Variants in OSBPL9 observed in about 807,000 individuals in gnomAD.
The protein encoded by OSBPL9 is oxysterol binding protein like 9, also known as oxysterol-binding protein-related protein 9.
A neutral mutation model predicts 106.6 loss-of-function variants in OSBPL9; 40 were observed. The ratio of observed to expected loss-of-function variants is 0.38; its 90% CI spans 0.29 to 0.49. The LOEUF (loss-of-function observed/expected upper bound fraction) is 0.49, where lower values mean the gene tolerates loss of function less well. Ranked by LOEUF, OSBPL9 falls within the 20% of genes least tolerant of loss-of-function variation. The probability of loss-of-function intolerance (pLI) is 0.97; values close to 1 mark genes in which losing one functional copy is unlikely to be tolerated. For missense variants in OSBPL9, 609 were observed against 887.2 expected, an observed-to-expected ratio of 0.69 and a Z score of 3.98; for synonymous variants, 269 against 295.4, an observed-to-expected ratio of 0.91 and a Z score of 0.92.
chr1:51,758,390 A>G (rs1052636784), intron 9 of OSBPL9, among the ~76,000 whole-genome samples: 3 of 151,676 alleles, frequency 2.0e-5, no homozygotes, highest in Non-Finnish European at 4.4e-5. Context: ...TCCGTATTAC[A>G]CTGATTCGGG....
chr1:51,694,136 G>A (rs1034744577), intron 3 of OSBPL9, among the ~76,000 whole-genome samples: 1 of 152,024 alleles, frequency 6.6e-6, no homozygotes, highest in Non-Finnish European at 1.5e-5. Context: ...TCTTTATGTG[G>A]GTTATATTTA....
chr1:51,696,674 T>G (rs925613073), intron 3 of OSBPL9, among the ~76,000 whole-genome samples: 1 of 152,224 alleles, frequency 6.6e-6, no homozygotes, highest in African/African-American at 2.4e-5. Context: ...CACCAATTTA[T>G]AAACTGTGTC....
chr1:51,685,571 AT>A (rs1169301708), intron 3 of OSBPL9, among the ~76,000 whole-genome samples: 1 of 151,908 alleles, frequency 6.6e-6, no homozygotes, highest in East Asian at 1.9e-4. Flanking sequence ...ACACCGTCTA[AT>A]TTTTTTGTAG....
chr1:51,569,558 G>A, the OSBPL9 span: 1 of 152,180 alleles, frequency 6.6e-6, no homozygotes, highest in Non-Finnish European at 1.5e-5. Context: ...CAAACATGAT[G>A]TGATACTTGG....
At chr1:51,714,150 T>G (rs1660616428) in intron 4 of OSBPL9, 71 bp downstream of exon 4, 2 of 1,218,676 alleles carry the variant, frequency 1.6e-6, no homozygotes, top group Non-Finnish European at 2.3e-6. Context: ...TTTTCTGTTT[T>G]TTTTTTTTAA....
At chr1:51,619,444 T>C (rs957200237) in intron 1 of OSBPL9, among the ~76,000 whole-genome samples, 3 of 152,180 alleles carry the variant, frequency 2.0e-5, no homozygotes, top group Non-Finnish European at 4.4e-5. Flanking sequence ...AAATATAGGG[T>C]TTAAAAAAAT....
chr1:51,635,871 A>G (rs1645400866), intron 1 of OSBPL9, among the ~76,000 whole-genome samples: 2 of 152,278 alleles, frequency 1.3e-5, no homozygotes, highest in African/African-American at 2.4e-5. Context: ...TGAATTAAAA[A>G]GATTTTTCCC....
chr1:51,554,097 A>G, the OSBPL9 span, among the ~76,000 whole-genome samples: 1 of 152,266 alleles, frequency 6.6e-6, no homozygotes, highest in Non-Finnish European at 1.5e-5. Context: ...TTGAAGCAGC[A>G]GTGAGTCACA....
At chr1:51,678,375 C>T (rs910033039) in intron 3 of OSBPL9, among the ~76,000 whole-genome samples, 2 of 152,082 alleles carry the variant, frequency 1.3e-5, no homozygotes, top group African/African-American at 4.8e-5. Context: ...TATTAAAATG[C>T]AGTGGCCGGG....
chr1:51,766,732 A>T (rs1672639837), intron 12 of OSBPL9, among the ~76,000 whole-genome samples: 1 of 152,140 alleles, frequency 6.6e-6, no homozygotes, highest in African/African-American at 2.4e-5. Flanking sequence ...GTCCACCTCA[A>T]ATCTGTCTCT....
upstream of OSBPL9, among the ~76,000 whole-genome samples, chr1:51,575,314 C>T (rs1645176618): frequency 6.6e-6 from 1 of 152,066 alleles, no homozygotes; most frequent in African/African-American, 2.4e-5. Flanking sequence ...GATTCTCCTG[C>T]CTTAGACTCC....
chr1:51,588,062 T>C (rs778383299), intron 1 of OSBPL9, among the ~76,000 whole-genome samples: 88 of 152,228 alleles, frequency 5.8e-4, no homozygotes, highest in Non-Finnish European at 3.1e-4. Flanking sequence ...ATAGAACTGG[T>C]GAGAAATTCA....
chr1:51,657,201 G>C (rs953689331), intron 2 of OSBPL9, among the ~76,000 whole-genome samples: 1 of 152,152 alleles, frequency 6.6e-6, no homozygotes, highest in Non-Finnish European at 1.5e-5. Flanking sequence ...GCATACAAAA[G>C]AACTGTGGGA....
At chr1:51,746,609 A>G (rs1344628463) in intron 5 of OSBPL9, 101 bp from the exon 6 acceptor site, 4 of 869,376 alleles carry the variant, frequency 4.6e-6, no homozygotes, top group Non-Finnish European at 7.2e-6. Context: ...ATCCCTGGAC[A>G]AAATGTGTTT....
intron 3 of OSBPL9, among the ~76,000 whole-genome samples, chr1:51,685,105 AT>A (rs1653484613): frequency 6.6e-6 from 1 of 151,972 alleles, no homozygotes; most frequent in Admixed American, 6.6e-5. Flanking sequence ...CTTTTCATAC[AT>A]TCATTTTTTT....
intron 3 of OSBPL9, among the ~76,000 whole-genome samples, chr1:51,710,160 A>T (rs1003906676): frequency 6.6e-6 from 1 of 152,132 alleles, no homozygotes; most frequent in Non-Finnish European, 1.5e-5. Context: ...GGGGTGGGAA[A>T]ATCATGACGT....
At chr1:51,583,193 C>T (rs928608740) in intron 1 of OSBPL9, among the ~76,000 whole-genome samples, 4 of 152,012 alleles carry the variant, frequency 2.6e-5, no homozygotes, top group African/African-American at 9.7e-5. Context: ...TGGTGGCTAG[C>T]CTCTATGCCG....
intron 4 of OSBPL9, among the ~76,000 whole-genome samples, chr1:51,734,856 C>A (rs1264098939): frequency 2.6e-5 from 4 of 152,162 alleles, no homozygotes; most frequent in African/African-American, 9.7e-5. Context: ...TACTTATTCC[C>A]ATTTTTAGCC....
chr1:51,617,047 C>CCCCAG, upstream of OSBPL9: 1 of 1,544,308 alleles, frequency 6.5e-7, no homozygotes, highest in Non-Finnish European at 8.7e-7. Context: ...CCCCGCCCCC[C>CCCCAG]GCATGCTGAA....
Sources: gnomAD v4.1 joint callset for allele counts (sites outside exome capture counted in the v4.1 genomes callset) on GRCh38, gnomAD v4.1.1 for gene constraint, MANE v1.5 for transcripts, NCBI Gene and HGNC (gene_info 2026-07-23, HGNC 2026-07-21) for gene names.